Variants in LCMT2 observed in about 807,000 individuals in gnomAD.
LCMT2 encodes the protein leucine carboxyl methyltransferase 2, also known as tRNA wybutosine-synthesizing protein 4.
A neutral mutation model predicts 42.0 loss-of-function variants in LCMT2; 34 were observed. The ratio of observed to expected loss-of-function variants is 0.81; its 90% CI spans 0.62 to 1.08. LCMT2 has a LOEUF of 1.08. Ranked by LOEUF, LCMT2 falls within the 50% of genes least tolerant of loss-of-function variation. The pLI is 0.00. For missense variants in LCMT2, 1,091 were observed against 889.4 expected (o/e 1.23, Z -2.88); for synonymous variants, 445 against 369.5 (o/e 1.20, Z -2.34).
rs746657585 is a variant in LCMT2 at position 43,328,581 on chromosome 15, G to GC, written c.1908dup (p.Pro637AlafsTer9). On this transcript the variant is annotated frameshift_variant, in exon 1 of 1. Coordinates refer to ENST00000305641, the MANE Select transcript of LCMT2 (RefSeq NM_014793.5). LOFTEE classifies it high-confidence loss of function. ...CTAGTATGGTTGTGTAACATTAATG[G>GC]CCATGGCACATATGTTGTGTCAATC... The GC allele has an allele frequency of 5.0e-6, 8 of 1,614,062 alleles. No individual in the cohort carries two copies. Among genetic ancestry groups the GC allele is most frequent in the Non-Finnish European group, 3.4e-6 (4 of 1,180,040 alleles).
rs765435945 is a variant in LCMT2, at chr15:43,328,920, T to A, written c.1570A>T (p.Ile524Phe). ...TCAGGTACTTCTCCCTCCACTGGGA[T>A]CCTGACCCAAGCCATTGTCCCTACA... ...LHVGTMAWVR[I>F]PVEGEVPEAR... The change falls in exon 1 of 1, where the codon ATC becomes TTC. Residue 524 changes from isoleucine (I) to phenylalanine (F), a missense_variant. Transcript: ENST00000305641. 1 of 1,614,138 alleles carries A rather than the reference T, an allele frequency of 6.2e-7. No individual in the cohort carries two copies. The highest frequency in any genetic ancestry group is 1.3e-5 in the African/African-American group (1 of 75,034).
In LCMT2 at chr15:43,329,252, T is replaced by C. The variant is rs2043145375; in HGVS notation, c.1238A>G (p.Gln413Arg). The change falls in exon 1 of 1, where the codon CAG becomes CGG. Residue 413 changes from glutamine (Q) to arginine (R), a missense_variant. Coordinates refer to ENST00000305641, the MANE Select transcript of LCMT2 (RefSeq NM_014793.5). ...SQIGSCGTGV[Q>R]WDGRLYHTMT... ...GGTGTGATAAAGGCGTCCATCCCAC[T>C]GAACTCCAGTCCCACAACTGCCTAT... is the stretch of plus-strand genomic sequence containing the variant. 2 of 1,614,028 alleles carry C rather than the reference T, an allele frequency of 1.2e-6. No homozygotes were observed. Among genetic ancestry groups the C allele is most frequent in the Non-Finnish European group, 1.7e-6 (2 of 1,180,032 alleles).
chr15:43,329,857 A>G lies in LCMT2; in HGVS notation c.633T>C (p.Pro211=). The G allele has an allele frequency of 6.2e-7, 1 of 1,613,820 alleles. No homozygotes were observed. Residue 211 remains proline (P), a synonymous_variant, in exon 1 of 1, where the codon CCT becomes CCC. Coordinates refer to ENST00000305641, the MANE Select transcript of LCMT2 (RefSeq NM_014793.5). Reference sequence around the variant, plus strand: ...GCTCATAGACCACGAAAAGGGCATTAGGAAAACGCTGGGCTGCCCAGGCGA... The same window carrying G: ...GCTCATAGACCACGAAAAGGGCATTGGGAAAACGCTGGGCTGCCCAGGCGA... ...ALIAWAAQRF[P]NALFVVYEQM... is the part of the protein sequence containing the mutation.
In LCMT2 at chr15:43,330,330, G is replaced by GC; in HGVS notation, c.159_160insG (p.Arg54AlafsTer98). The GC allele has an allele frequency of 6.2e-7, 1 of 1,602,420 alleles. No homozygotes were observed. The highest frequency in any genetic ancestry group is 1.7e-5 in the Admixed American group (1 of 58,016). On this transcript the variant is annotated frameshift_variant, in exon 1 of 1. Coordinates refer to ENST00000305641, the MANE Select transcript of LCMT2 (RefSeq NM_014793.5). LOFTEE classifies it low-confidence loss of function (END_TRUNC). ...GCGCGTGCGCGGACGTAGTAGCCTC[G>GC]GTGAATGAGCGGTGCGCGGCGCGCC...
chr15:43,329,890 C>T lies in LCMT2; in HGVS notation c.600G>A (p.Ala200=), dbSNP rs776951602. The T allele has an allele frequency of 6.8e-6, 11 of 1,613,344 alleles. No individual in the cohort carries two copies. Among genetic ancestry groups the T allele is most frequent in the South Asian group, 2.2e-5 (2 of 91,082 alleles). The change falls in exon 1 of 1, where the codon GCG becomes GCA. Residue 200 remains alanine (A), a synonymous_variant. Coordinates refer to ENST00000305641, the MANE Select transcript of LCMT2 (RefSeq NM_014793.5). ...GCTGGGCTGCCCAGGCGATGAGGGC[C>T]GCGGCACTCTCCGGCTCGAGGTAGG... ...VLTYLEPESA[A]ALIAWAAQRF...
At position 43,329,154 on chromosome 15, in the gene LCMT2, C is replaced by A. The variant is rs2043143336; in HGVS notation, c.1336G>T (p.Val446Phe). Residue 446 changes from valine (V) to phenylalanine (F), a missense_variant, in exon 1 of 1, where the codon GTT becomes TTT. Transcript: ENST00000305641. The part of the protein sequence containing the change: ...RLSPVSPALG[V>F]LQLHFFKSED... ...CTCTTAAAAAAATGAAGCTGGAGAACCCCCAAGGCTGGACTTACTGGGGAC... is the reference window on the plus strand; with the variant it reads ...CTCTTAAAAAAATGAAGCTGGAGAAACCCCAAGGCTGGACTTACTGGGGAC... The A allele has an allele frequency of 1.9e-6, 3 of 1,614,068 alleles. No homozygotes were observed. In the East Asian group the frequency reaches 6.7e-5, roughly 36 times the overall value.
Position 43,330,053 on chromosome 15 carries a change from G to C in LCMT2, c.437C>G (p.Ser146Cys). Residue 146 changes from serine (S) to cysteine (C), a missense_variant, in exon 1 of 1, where the codon TCC becomes TGC. Ser to Cys is a moderately radical substitution (Grantham distance 112). Coordinates refer to ENST00000305641, the MANE Select transcript of LCMT2 (RefSeq NM_014793.5). Reference protein sequence around the residue: ...TGPFERGEPASALCFESADYC... With the variant: ...TGPFERGEPACALCFESADYC... ...GTCTGCGCTCTCAAAGCACAGCGCGGACGCGGGCTCCCCCCTCTCGAAAGG... is the reference window on the plus strand; with the variant it reads ...GTCTGCGCTCTCAAAGCACAGCGCGCACGCGGGCTCCCCCCTCTCGAAAGG... 1.2e-6 allele frequency: 2 copies of C among 1,612,476 alleles called. No homozygotes were observed. Among genetic ancestry groups the C allele is most frequent in the Non-Finnish European group, 1.7e-6 (2 of 1,179,934 alleles).
chr15:43,329,215 G>T lies in LCMT2; in HGVS notation c.1275C>A (p.Leu425=), dbSNP rs780699883. ...CCAGAACCAGAACCCGACTCTCTGA[G>T]AGTCTTGTCATGGTGTGATAAAGGC... ...DGRLYHTMTR[L]SESRVLVLGG... The change falls in exon 1 of 1, where the codon CTC becomes CTA. Residue 425 remains leucine (L), a synonymous_variant. Coordinates refer to ENST00000305641, the MANE Select transcript of LCMT2 (RefSeq NM_014793.5). 46 of 1,613,896 alleles carry T rather than the reference G, an allele frequency of 2.9e-5. No homozygotes were observed. The highest frequency in any genetic ancestry group is 3.8e-5 in the Non-Finnish European group (45 of 1,180,006).
chr15:43,330,300 T>A lies in LCMT2; in HGVS notation c.190A>T (p.Arg64Trp). ...TCCAAAAAAGCGCGCACGCAGTGCC[T>A]CACGGCGCGTGCGCGGACGTAGTAG... ...RGYYVRARAV[R>W]HCVRAFLEQI... Residue 64 changes from arginine (R) to tryptophan (W), a missense_variant, in exon 1 of 1, where the codon AGG (arginine) becomes TGG (tryptophan). Arg to Trp is a moderately radical substitution (Grantham distance 101). Coordinates refer to ENST00000305641, the MANE Select transcript of LCMT2 (RefSeq NM_014793.5). 6.3e-7 allele frequency: 1 copy of A among 1,594,182 alleles called. No individual in the cohort carries two copies. Among genetic ancestry groups the A allele is most frequent in the Non-Finnish European group, 8.5e-7 (1 of 1,176,226 alleles).
At position 43,328,914 on chromosome 15, in the gene LCMT2, C is replaced by A. The variant is rs754125689; in HGVS notation, c.1576G>T (p.Val526Leu). Residue 526 changes from valine to leucine, a missense_variant, in exon 1 of 1, where the codon GTG becomes TTG. Physicochemically the swap from Val to Leu is conservative, Grantham distance 32. Transcript: ENST00000305641. Reference sequence around the variant, plus strand: ...CGGGCTTCAGGTACTTCTCCCTCCACTGGGATCCTGACCCAAGCCATTGTC... The same window carrying A: ...CGGGCTTCAGGTACTTCTCCCTCCAATGGGATCCTGACCCAAGCCATTGTC... ...VGTMAWVRIPVEGEVPEARHS... is the reference protein window; with the variant it reads ...VGTMAWVRIPLEGEVPEARHS... 1 of 1,614,166 alleles carries A rather than the reference C, an allele frequency of 6.2e-7. No homozygotes were observed. Among genetic ancestry groups the A allele is most frequent in the Non-Finnish European group, 8.5e-7 (1 of 1,180,042 alleles).
rs2043122375 is a variant in LCMT2, at chr15:43,327,107, G to A, written c.*1322C>T. 1 of 152,164 alleles carries A rather than the reference G, an allele frequency of 6.6e-6. No individual in the cohort carries two copies. Among genetic ancestry groups the A allele is most frequent in the African/African-American group, 2.4e-5 (1 of 41,444 alleles). The allele number at this position is 152,164 out of a possible 1,614,324, so 9.4% of individuals were successfully genotyped here. A position where few individuals can be genotyped will look rare whatever the true frequency, so the allele number is the denominator to read the frequency against. On this transcript the variant is annotated 3_prime_UTR_variant, in exon 1 of 1. Transcript: ENST00000305641. Reference sequence around the variant, plus strand: ...TTCATTGATCTCACATGGCTCACTAGGCAACAGATTCCCATTTAAAAGGGA... The same window carrying A: ...TTCATTGATCTCACATGGCTCACTAAGCAACAGATTCCCATTTAAAAGGGA...
Position 43,328,443 on chromosome 15 carries a change from TTAAGGAAGAAAGG to T in LCMT2, c.2034_2046del (p.Asp678GlufsTer17). 6.2e-7 allele frequency: 1 copy of T among 1,613,668 alleles called. No individual in the cohort carries two copies. Among genetic ancestry groups the T allele is most frequent in the Non-Finnish European group, 8.5e-7 (1 of 1,179,806 alleles). ...TAGTCCAGTCCTTACTGCCCAGCAC[TTAAGGAAGAAAGG>T]TCTAATGTGACTGTATGGGGGTTGA... On this transcript the variant is annotated frameshift_variant, in exon 1 of 1. Transcript: ENST00000305641. LOFTEE classifies it high-confidence loss of function.
At position 43,328,753 on chromosome 15, in the gene LCMT2, G is replaced by C. The variant is rs1395554101; in HGVS notation, c.1737C>G (p.Ile579Met). ...AGTACCTTGGGGTAATGGGAGGCTG[G>C]ATGTCTACTGACTCCCAGAGGAATC... ...SCGFLWESVD[I>M]QPPITPRYSH... The change falls in exon 1 of 1, where the codon ATC (isoleucine) becomes ATG (methionine). Residue 579 changes from isoleucine to methionine, a missense_variant. Physicochemically the swap from Ile to Met is conservative, Grantham distance 10. Coordinates refer to ENST00000305641, the MANE Select transcript of LCMT2 (RefSeq NM_014793.5). The C allele has an allele frequency of 6.2e-7, 1 of 1,613,710 alleles. No homozygotes were observed. Among genetic ancestry groups the C allele is most frequent in the Admixed American group, 1.7e-5 (1 of 60,022 alleles).
Position 43,327,964 on chromosome 15 carries a change from A to T in LCMT2, c.*465T>A. The T allele has an allele frequency of 6.2e-6, 1 of 160,014 alleles. No homozygotes were observed. Among genetic ancestry groups the T allele is most frequent in the Admixed American group, 5.8e-5 (1 of 17,162 alleles). The allele number at this position is 160,014 out of a possible 1,614,324, so 9.9% of individuals were successfully genotyped here. On this transcript the variant is annotated 3_prime_UTR_variant, in exon 1 of 1. Transcript: ENST00000305641. ...ATCAAACTGTGACTGTGTTCATTTC[A>T]GGTTTCCTACATGAAGAATTGTCAA...
rs2043109348 is a variant in LCMT2, at chr15:43,324,810, G to A, written c.*3619C>T. ...CATATAGGGCTGTTTTCCAGGAGAT[G>A]ACATGTGGGATAAGTCCCAGGGTAA... On this transcript the variant is annotated 3_prime_UTR_variant, in exon 1 of 1. Transcript: ENST00000305641. 1 of 152,282 alleles carries A rather than the reference G, an allele frequency of 6.6e-6. No homozygotes were observed. Among genetic ancestry groups the A allele is most frequent in the South Asian group, 2.1e-4 (1 of 4,822 alleles). 9.4% of individuals were successfully genotyped at this position (152,282 alleles called of 1,614,324 possible). A position where few individuals can be genotyped will look rare whatever the true frequency, so the allele number is the denominator to read the frequency against.
In LCMT2 at chr15:43,328,362, G is replaced by C. The variant is rs2043129427; in HGVS notation, c.*67C>G. ...GGAGGAGTGGCAGTATCTATAGCTAGAGGGTCATCCTATTTGTGGAAAACT... is the reference window on the plus strand; with the variant it reads ...GGAGGAGTGGCAGTATCTATAGCTACAGGGTCATCCTATTTGTGGAAAACT... On this transcript the variant is annotated 3_prime_UTR_variant, in exon 1 of 1. Coordinates refer to ENST00000305641, the MANE Select transcript of LCMT2 (RefSeq NM_014793.5). 7 of 1,485,810 alleles carry C rather than the reference G, an allele frequency of 4.7e-6. No individual in the cohort carries two copies. The highest frequency in any genetic ancestry group is 2.3e-5 in the East Asian group (1 of 44,130). The allele number at this position is 1,485,810 out of a possible 1,614,324, so 92.0% of individuals were successfully genotyped here. A position where few individuals can be genotyped will look rare whatever the true frequency, so the allele number is the denominator to read the frequency against.
rs2043140939 is a variant in LCMT2, at chr15:43,329,046, G to T, written c.1444C>A (p.His482Asn). 1.2e-6 allele frequency: 2 copies of T among 1,614,000 alleles called. No individual in the cohort carries two copies. Among genetic ancestry groups the T allele is most frequent in the Admixed American group, 3.3e-5 (2 of 59,996 alleles). The change falls in exon 1 of 1, where the codon CAT becomes AAT. Residue 482 changes from histidine (H) to asparagine (N), a missense_variant. His to Asn is a moderately conservative substitution (Grantham distance 68). Transcript: ENST00000305641. The part of the protein sequence containing the change: ...KDDSTLCCWR[H>N]STTEVSCQNQ... ...TGACAGGACACTTCTGTTGTTGAAT[G>T]CCGCCAACAACACAAAGTGGAATCA... is the stretch of plus-strand genomic sequence containing the variant.
At position 43,328,110 on chromosome 15, in the gene LCMT2, C is replaced by T; in HGVS notation, c.*319G>A. On this transcript the variant is annotated 3_prime_UTR_variant, in exon 1 of 1. Transcript: ENST00000305641. ...CTTTTTCTAAGGTACCATCTCAAATCACAAGGCCTGGGATTGGGAAATTGT... is the reference window on the plus strand; with the variant it reads ...CTTTTTCTAAGGTACCATCTCAAATTACAAGGCCTGGGATTGGGAAATTGT... The T allele has an allele frequency of 4.0e-6, 1 of 251,886 alleles. No homozygotes were observed. The highest frequency in any genetic ancestry group is 7.7e-6 in the Non-Finnish European group (1 of 130,562). 15.6% of individuals were successfully genotyped at this position (251,886 alleles called of 1,614,324 possible). A position where few individuals can be genotyped will look rare whatever the true frequency, so the allele number is the denominator to read the frequency against.
rs2043123037 is a variant in LCMT2, at chr15:43,327,306, T to A, written c.*1123A>T. 1 of 152,248 alleles carries A rather than the reference T, an allele frequency of 6.6e-6. No homozygotes were observed. Among genetic ancestry groups the A allele is most frequent in the African/African-American group, 2.4e-5 (1 of 41,464 alleles). The allele number at this position is 152,248 out of a possible 1,614,324, so 9.4% of individuals were successfully genotyped here. On this transcript the variant is annotated 3_prime_UTR_variant, in exon 1 of 1. Coordinates refer to ENST00000305641, the MANE Select transcript of LCMT2 (RefSeq NM_014793.5). Reference sequence around the variant, plus strand: ...ACACATAGTTATTAAGCACTTAAAATGTGGTCAATGTGACTAAGCCACTGA... The same window carrying A: ...ACACATAGTTATTAAGCACTTAAAAAGTGGTCAATGTGACTAAGCCACTGA...
Sources: allele counts gnomAD v4.1 joint callset, GRCh38; gene constraint gnomAD v4.1.1; transcripts MANE v1.5; gene names NCBI Gene and HGNC (gene_info 2026-07-23, HGNC 2026-07-21).